The following MNX1 variants were observed in gnomAD, a reference collection of about 807,000 sequenced individuals.
MNX1 encodes motor neuron and pancreas homeobox protein 1.
In MNX1, 2 loss-of-function variants were observed where a neutral mutation model predicts 17.3. That is an observed-to-expected ratio of 0.12 (90% confidence interval 0.05 to 0.36). The LOEUF is 0.36. Among genes scored for constraint, MNX1 ranks in the 10% least tolerant of loss-of-function variants. The probability of loss-of-function intolerance (pLI) is 1.00; values close to 1 mark genes in which losing one functional copy is unlikely to be tolerated. For missense variants in MNX1, 556 were observed against 564.7 expected (o/e 0.98, Z 0.16); for synonymous variants, 306 against 283.1 (o/e 1.08, Z -0.81).
In MNX1 at chr7:157,010,506, G is replaced by T; in HGVS notation, c.-156C>A. 2 of 478,534 alleles carry T rather than the reference G, an allele frequency of 4.2e-6. No homozygotes were observed. Among genetic ancestry groups the T allele is most frequent in the Non-Finnish European group, 7.2e-6 (2 of 278,700 alleles). The allele number at this position is 478,534 out of a possible 1,614,324, so 29.6% of individuals were successfully genotyped here. On this transcript the variant is annotated 5_prime_UTR_variant, in exon 1 of 3. Coordinates refer to ENST00000252971, the MANE Select transcript of MNX1 (RefSeq NM_005515.4). ...AAGTCGCCGCCGGAAACTCAGCCGA[G>T]GGTGACCATGGTCCCGGCGCCTCCT...
At position 157,005,535 on chromosome 7, in the gene MNX1, C is replaced by T; in HGVS notation, c.1191G>A (p.Gln397=). 1.2e-5 allele frequency: 19 copies of T among 1,524,088 alleles called. No individual in the cohort carries two copies. Among genetic ancestry groups the T allele is most frequent in the Non-Finnish European group, 1.7e-5 (19 of 1,140,684 alleles). The allele number at this position is 1,524,088 out of a possible 1,614,324, so 94.4% of individuals were successfully genotyped here. ...CGCGGGGCTCCTACTGGGGCGCGGG[C>T]TGGTGGCTGGGCCGCGGGGGCGGCG... ...DDSPPPRPSH[Q]PAPQ is the part of the protein sequence containing the mutation. The change falls in exon 3 of 3, where the codon CAG becomes CAA. Residue 397 remains glutamine, a synonymous_variant. Coordinates refer to ENST00000252971, the MANE Select transcript of MNX1 (RefSeq NM_005515.4).
chr7:157,006,624 T>C lies in MNX1; in HGVS notation c.707A>G (p.Asn236Ser). 6.3e-7 allele frequency: 1 copy of C among 1,596,830 alleles called. No individual in the cohort carries two copies. The highest frequency in any genetic ancestry group is 1.1e-5 in the South Asian group (1 of 87,976). ...CGGCCGGCGGCACTTCCCCAGGAGG[T>C]TCGACTGCGCCTGGGCTGGGGACCA... is the stretch of plus-strand genomic sequence containing the variant. ...MPDFNSQAQS[N>S]LLGKCRRPRT... The change falls in exon 2 of 3, where the codon AAC becomes AGC. Residue 236 changes from asparagine (N) to serine (S), a missense_variant. This residue lies in a region of MNX1 where 210 missense variants were observed against 211.3 expected (regional missense o/e 0.99). Coordinates refer to ENST00000252971, the MANE Select transcript of MNX1 (RefSeq NM_005515.4). This position sits in a 1 kb window ranked among gnomAD's most constrained non-coding sequence, Gnocchi z 6.3.
In MNX1 at chr7:157,005,500, C is replaced by T. The variant is rs577692032; in HGVS notation, c.*20G>A. 3.8e-5 allele frequency: 52 copies of T among 1,376,730 alleles called. No individual in the cohort carries two copies. The South Asian group carries it at 8.8e-4, about 23-fold the overall frequency. 85.3% of individuals were successfully genotyped at this position (1,376,730 alleles called of 1,614,324 possible). On this transcript the variant is annotated 3_prime_UTR_variant, in exon 3 of 3. Coordinates refer to ENST00000252971, the MANE Select transcript of MNX1 (RefSeq NM_005515.4). ...GCCGGGGCGCTCCGTGCGCGCCGCACCTGCTGGGCCGCGGGGCTCCTACTG... is the reference window on the plus strand; with the variant it reads ...GCCGGGGCGCTCCGTGCGCGCCGCATCTGCTGGGCCGCGGGGCTCCTACTG...
intron 2 of MNX1, 57 bp from the exon 3 acceptor site, chr7:157,005,930 C>G: frequency 2.5e-6 from 4 of 1,590,934 alleles, no homozygotes; most frequent in Non-Finnish European, 3.4e-6. Context: ...GCTTCCTGTC[C>G]CCGGAGTCCC....
chr7:157,005,171 G>C lies in MNX1; in HGVS notation c.*349C>G, dbSNP rs1238671889. ...TCGGACGCGGGGAAAGGGGAGACAG[G>C]AGGCTTCCCCTTGCGCGGGGTGGGT... On this transcript the variant is annotated 3_prime_UTR_variant, in exon 3 of 3. Coordinates refer to ENST00000252971, the MANE Select transcript of MNX1 (RefSeq NM_005515.4). 1 of 235,332 alleles carries C rather than the reference G, an allele frequency of 4.2e-6. No homozygotes were observed. Among genetic ancestry groups the C allele is most frequent in the Non-Finnish European group, 8.3e-6 (1 of 119,804 alleles). 14.6% of individuals were successfully genotyped at this position (235,332 alleles called of 1,614,324 possible).
In MNX1 at chr7:157,006,853, A is replaced by ATTTTTTTTTTTTTTTTTTTTTTTTTTT. The variant is rs373662349; in HGVS notation, c.692-215_692-214insAAAAAAAAAAAAAAAAAAAAAAAAAAA. ...GGATAGTTTGGAGTTAATGAGACCAATTTTTTTTTTTTTTTTTGTCTAGGA... is the reference window on the plus strand; with the variant it reads ...GGATAGTTTGGAGTTAATGAGACCAATTTTTTTTTTTTTTTTTTTTTTTTTTTTTTTTTTTTTTTTTTTTGTCTAGGA... On this transcript the variant is annotated intron_variant, in intron 1 of 2. Coordinates refer to ENST00000252971, the MANE Select transcript of MNX1 (RefSeq NM_005515.4). The surrounding 1 kb of genome is among the most constrained non-coding windows in gnomAD (Gnocchi z 6.3). 7.7e-6 allele frequency: 2 copies of ATTTTTTTTTTTTTTTTTTTTTTTTTTT among 260,074 alleles called. No homozygotes were observed. The highest frequency in any genetic ancestry group is 7.6e-5 in the African/African-American group (2 of 26,482). The allele number at this position is 260,074 out of a possible 1,614,324, so 16.1% of individuals were successfully genotyped here. A position where few individuals can be genotyped will look rare whatever the true frequency, so the allele number is the denominator to read the frequency against.
At position 157,010,419 on chromosome 7, in the gene MNX1, C is replaced by T; in HGVS notation, c.-69G>A. On this transcript the variant is annotated 5_prime_UTR_variant, in exon 1 of 3. Transcript: ENST00000252971. ...GCGGCCGTGTGCGGGCTCGCGGAGT[C>T]AGTGCGTGCGGTGCAAGCCCGGGGG... 3 of 1,339,468 alleles carry T rather than the reference C, an allele frequency of 2.2e-6. No homozygotes were observed. Among genetic ancestry groups the T allele is most frequent in the Non-Finnish European group, 3.1e-6 (3 of 967,720 alleles). 83.0% of individuals were successfully genotyped at this position (1,339,468 alleles called of 1,614,324 possible).
chr7:157,010,172 G>T lies in MNX1; in HGVS notation c.179C>A (p.Pro60His). The change falls in exon 1 of 3, where the codon CCC becomes CAC. Residue 60 changes from proline (P) to histidine (H), a missense_variant. This residue lies in a region of MNX1 where 115 missense variants were observed against 103.5 expected (regional missense o/e 1.11). Coordinates refer to ENST00000252971, the MANE Select transcript of MNX1 (RefSeq NM_005515.4). ...ASGGTSGSCS[P>H]ASSEPPAAPA... ...CGCAGCCGGCGGCTCCGAGGACGCG[G>T]GGCTGCAGCTGCCGCTAGTCCCGCC... The T allele has an allele frequency of 8.6e-7, 1 of 1,165,676 alleles. No individual in the cohort carries two copies. Among genetic ancestry groups the T allele is most frequent in the East Asian group, 3.8e-5 (1 of 26,020 alleles). The allele number at this position is 1,165,676 out of a possible 1,614,324, so 72.2% of individuals were successfully genotyped here. A position where few individuals can be genotyped will look rare whatever the true frequency, so the allele number is the denominator to read the frequency against.
rs1805680052 is a variant in MNX1 at position 157,009,961 on chromosome 7, G to GGCGGCGGCGGCA, written c.389_390insTGCCGCCGCCGC (p.Ala131_Ala134dup). 1 of 973,906 alleles carries GGCGGCGGCGGCA rather than the reference G, an allele frequency of 1.0e-6. No homozygotes were observed. Among genetic ancestry groups the GGCGGCGGCGGCA allele is most frequent in the Admixed American group, 6.4e-5 (1 of 15,594 alleles). The allele number at this position is 973,906 out of a possible 1,614,324, so 60.3% of individuals were successfully genotyped here. A position where few individuals can be genotyped will look rare whatever the true frequency, so the allele number is the denominator to read the frequency against. On this transcript the variant is annotated inframe_insertion, in exon 1 of 3. Coordinates refer to ENST00000252971, the MANE Select transcript of MNX1 (RefSeq NM_005515.4). ...GCGCCAGGCCCCCAGCGGCGGCGGC[G>GGCGGCGGCGGCA]GCGGCGGCGGCGGCGGCAGCGGCCG... is the stretch of plus-strand genomic sequence containing the variant.
Position 157,006,832 on chromosome 7 carries a change from A to T in MNX1, c.692-193T>A. The T allele has an allele frequency of 1.9e-6, 1 of 518,746 alleles. No individual in the cohort carries two copies. Among genetic ancestry groups the T allele is most frequent in the Non-Finnish European group, 3.3e-6 (1 of 301,970 alleles). 32.1% of individuals were successfully genotyped at this position (518,746 alleles called of 1,614,324 possible). On this transcript the variant is annotated intron_variant, in intron 1 of 2. Coordinates refer to ENST00000252971, the MANE Select transcript of MNX1 (RefSeq NM_005515.4). The surrounding 1 kb of genome is among the most constrained non-coding windows in gnomAD (Gnocchi z 6.3). ...TCAGGACCACCAAGTGGAAATGGAT[A>T]GTTTGGAGTTAATGAGACCAATTTT...
Position 157,006,260 on chromosome 7 carries a change from T to C in MNX1, c.852+219A>G. ...CTCGAATGCGGCCTGGGGATCACCT[T>C]CTTCAGAATGAAAGGAGGGGTGGTT... On this transcript the variant is annotated intron_variant, in intron 2 of 2. Transcript: ENST00000252971. The surrounding 1 kb of genome is among the most constrained non-coding windows in gnomAD (Gnocchi z 6.3). 1.7e-6 allele frequency: 1 copy of C among 597,690 alleles called. No homozygotes were observed. The highest frequency in any genetic ancestry group is 2.0e-5 in the South Asian group (1 of 48,880). The allele number at this position is 597,690 out of a possible 1,614,324, so 37.0% of individuals were successfully genotyped here.
intron 1 of MNX1, 35 bp downstream of exon 1, chr7:157,009,625 G>T: frequency 6.2e-7 from 1 of 1,600,206 alleles, no homozygotes; most frequent in Admixed American, 1.7e-5. Flanking sequence ...AGGCCCTCCC[G>T]CCACGCGCAT....
Position 157,010,196 on chromosome 7 carries a change from C to T in MNX1, c.155G>A (p.Gly52Asp), listed in dbSNP as rs922854261. 7 of 1,219,310 alleles carry T rather than the reference C, an allele frequency of 5.7e-6. No individual in the cohort carries two copies. In the African/African-American group the frequency reaches 1.1e-4, roughly 19 times the overall value. 75.5% of individuals were successfully genotyped at this position (1,219,310 alleles called of 1,614,324 possible). Residue 52 changes from glycine to aspartate, a missense_variant, in exon 1 of 3, where the codon GGC (glycine) becomes GAC (aspartate). Physicochemically the swap from Gly to Asp is moderately conservative, Grantham distance 94 (BLOSUM62 -1). Coordinates refer to ENST00000252971, the MANE Select transcript of MNX1 (RefSeq NM_005515.4). Reference protein sequence around the residue: ...GGGGGGGGASGGTSGSCSPAS... With the variant: ...GGGGGGGGASDGTSGSCSPAS... ...GGGGCTGCAGCTGCCGCTAGTCCCG[C>T]CGCTCGCCCCGCCGCCGCCGCCGCC... is the stretch of plus-strand genomic sequence containing the variant.
chr7:157,008,649 C>A, intron 1 of MNX1: 1 of 339,818 alleles, frequency 2.9e-6, no homozygotes, highest in African/African-American at 2.1e-5. Flanking sequence ...TTGCTTTTCC[C>A]CTGCTCTGCC....
At chr7:157,008,924 G>T in intron 1 of MNX1, 1 of 1,465,996 alleles carries the variant, frequency 6.8e-7, no homozygotes, top group East Asian at 2.5e-5. Context: ...AGAGGAAGCT[G>T]CCCGAAGCCC....
chr7:157,009,072 A>C lies in MNX1; in HGVS notation c.691+588T>G, dbSNP rs1297398185. 5 of 1,536,604 alleles carry C rather than the reference A, an allele frequency of 3.3e-6. No individual in the cohort carries two copies. The East Asian group carries it at 1.2e-4, about 38-fold the overall frequency. Reference sequence around the variant, plus strand: ...CCCCATAGCTGGTTCAAGCCAGGCCACCTGCCTCGGCCATCGCACCCCGGA... The same window carrying C: ...CCCCATAGCTGGTTCAAGCCAGGCCCCCTGCCTCGGCCATCGCACCCCGGA... On this transcript the variant is annotated intron_variant, in intron 1 of 2. Transcript: ENST00000252971.
Position 157,010,073 on chromosome 7 carries a change from T to G in MNX1, c.278A>C (p.Lys93Thr). Residue 93 changes from lysine to threonine, a missense_variant, in exon 1 of 3, where the codon AAG becomes ACG. Lys to Thr is a moderately conservative substitution (Grantham distance 78). This residue lies in a region of MNX1 where 115 missense variants were observed against 103.5 expected (regional missense o/e 1.11). Transcript: ENST00000252971. The stretch of plus-strand genomic sequence containing the variant: ...GCCGCCCGCGCCCAGGAAGCCCGGC[T>G]TGGGCAGCAGCGCGCAGTGCGCGGC... ...LLAAHCALLP[K>T]PGFLGAGGGG... 1.0e-6 allele frequency: 1 copy of G among 994,840 alleles called. No individual in the cohort carries two copies. The allele number at this position is 994,840 out of a possible 1,614,324, so 61.6% of individuals were successfully genotyped here.
chr7:157,009,443 A>T, intron 1 of MNX1: 1 of 1,429,768 alleles, frequency 7.0e-7, no homozygotes, highest in Non-Finnish European at 9.1e-7. Flanking sequence ...AGAGGAAGAG[A>T]AGGCAAGGCC....
rs1379910177 is a variant in MNX1, at chr7:157,005,605, G to A, written c.1121C>T (p.Ala374Val). Residue 374 changes from alanine to valine, a missense_variant, in exon 3 of 3, where the codon GCC becomes GTC. Physicochemically the swap from Ala to Val is moderately conservative, Grantham distance 64. Coordinates refer to ENST00000252971, the MANE Select transcript of MNX1 (RefSeq NM_005515.4). ...DEDHFPYSNG[A>V]SVHAASSDCS... ...GTCGGAGGAGGCGGCGTGGACGCTG[G>A]CGCCGTTGCTGTAGGGGAAATGGTC... 6.2e-7 allele frequency: 1 copy of A among 1,604,556 alleles called. No homozygotes were observed. Among genetic ancestry groups the A allele is most frequent in the Non-Finnish European group, 8.5e-7 (1 of 1,176,912 alleles).
Sources: gnomAD v4.1 joint callset for allele counts on GRCh38, gnomAD v4.1.1 for gene constraint, gnomAD v4.1.1 regional missense constraint, Gnocchi (gnomAD v3.1) non-coding constraint, MANE v1.5 for transcripts, NCBI Gene and HGNC (gene_info 2026-07-23, HGNC 2026-07-21) for gene names.